Variants in ZSWIM6 observed in about 807,000 individuals in gnomAD.
ZSWIM6 encodes the protein zinc finger SWIM domain-containing protein 6.
In ZSWIM6, 9 loss-of-function variants were observed where a neutral mutation model predicts 113.2. That is an observed-to-expected ratio of 0.08 (90% confidence interval 0.05 to 0.14). ZSWIM6 has a LOEUF of 0.14. ZSWIM6 is among the 10% of genes least tolerant of loss of function. ZSWIM6 has a pLI of 1.00. For missense variants in ZSWIM6, 1,162 were observed against 1,552.2 expected (o/e 0.75, Z 4.22); for synonymous variants, 611 against 606.5 (o/e 1.01, Z -0.11).
intron 2 of ZSWIM6, among the ~76,000 whole-genome samples, chr5:61,478,435 A>G (rs1747764898): frequency 6.6e-6 from 1 of 152,216 alleles, no homozygotes; most frequent in Non-Finnish European, 1.5e-5. Flanking sequence ...CCTCACGAAC[A>G]CACATGTGCA....
At chr5:61,437,598 C>T (rs1032966727) in intron 1 of ZSWIM6, among the ~76,000 whole-genome samples, 1 of 151,184 alleles carries the variant, frequency 6.6e-6, no homozygotes, top group Non-Finnish European at 1.5e-5. Context: ...TAGCGTGTGC[C>T]TTGGTCCCAG....
intron 1 of ZSWIM6, among the ~76,000 whole-genome samples, chr5:61,340,679 G>A (rs35331534): frequency 4.6e-4 from 70 of 152,282 alleles, no homozygotes; most frequent in Non-Finnish European, 5.7e-4. Flanking sequence ...AAATGGCAAA[G>A]CCGTGTTGCT....
At chr5:61,490,189 G>A (rs182288979) in intron 2 of ZSWIM6, among the ~76,000 whole-genome samples, 1 of 152,078 alleles carries the variant, frequency 6.6e-6, no homozygotes, top group African/African-American at 2.4e-5. Context: ...GTGTACTTCA[G>A]CAATAAAATA....
chr5:61,469,266 C>T (rs1021309300), intron 1 of ZSWIM6, among the ~76,000 whole-genome samples: 1 of 152,098 alleles, frequency 6.6e-6, no homozygotes. Context: ...CCTGATTAGG[C>T]GGGCAGAGTA....
chr5:61,394,840 A>C (rs935314441), intron 1 of ZSWIM6, among the ~76,000 whole-genome samples: 1 of 152,180 alleles, frequency 6.6e-6, no homozygotes, highest in Non-Finnish European at 1.5e-5. Context: ...GATTCTGCAC[A>C]GCTGCTACAG....
chr5:61,332,935 C>G lies in ZSWIM6; in HGVS notation c.663C>G (p.Asn221Lys). Residue 221 changes from asparagine (N) to lysine (K), a missense_variant, in exon 1 of 14, where the codon AAC becomes AAG. Asn to Lys is a moderately conservative substitution (Grantham distance 94). Coordinates refer to ENST00000252744, the MANE Select transcript of ZSWIM6 (RefSeq NM_020928.2). ...TGTTGGAAAGCGGCTGCGTAGACAA[C>G]GTCCTGCAAGTCGGTGAGTCACGGG... is the stretch of plus-strand genomic sequence containing the variant. ...IALLESGCVD[N>K]VLQVGFHLSG... 7.4e-7 allele frequency: 1 copy of G among 1,348,928 alleles called. No individual in the cohort carries two copies. The allele number at this position is 1,348,928 out of a possible 1,614,324, so 83.6% of individuals were successfully genotyped here. A position where few individuals can be genotyped will look rare whatever the true frequency, so the allele number is the denominator to read the frequency against.
intron 4 of ZSWIM6, among the ~76,000 whole-genome samples, chr5:61,508,193 A>G (rs1748677819): frequency 6.6e-6 from 1 of 152,228 alleles, no homozygotes; most frequent in Admixed American, 6.5e-5. Context: ...AATTATTGTC[A>G]GGTGGATAAG....
rs565255755 is a variant in ZSWIM6, at chr5:61,544,440, T to G, written c.*123T>G. ...CCACACCGGTATTATATGTGTATAG[T>G]TATATTGCGTTTGCAGACTAAATTG... On this transcript the variant is annotated 3_prime_UTR_variant, in exon 14 of 14. Transcript: ENST00000252744. The G allele has an allele frequency of 1.9e-5, 10 of 523,066 alleles. No homozygotes were observed. The East Asian group carries it at 3.1e-4, about 16-fold the overall frequency. 32.4% of individuals were successfully genotyped at this position (523,066 alleles called of 1,614,324 possible).
chr5:61,532,587 A>T (rs1254786739), intron 9 of ZSWIM6, among the ~76,000 whole-genome samples: 1 of 152,132 alleles, frequency 6.6e-6, no homozygotes, highest in Non-Finnish European at 1.5e-5. Flanking sequence ...GATTTTCAGC[A>T]CCCCTTTTAT....
At chr5:61,396,972 G>A (rs180702280) in intron 1 of ZSWIM6, among the ~76,000 whole-genome samples, 2 of 152,180 alleles carry the variant, frequency 1.3e-5, no homozygotes, top group Non-Finnish European at 2.9e-5. Flanking sequence ...TAAAATGACT[G>A]TTACCAATTT....
chr5:61,391,050 G>C (rs1001529010), intron 1 of ZSWIM6: 1 of 741,232 alleles, frequency 1.3e-6, no homozygotes, highest in African/African-American at 1.7e-5. Flanking sequence ...TGCTGTGACA[G>C]TAACCTTTCT....
chr5:61,502,918 A>G (rs934226564), intron 4 of ZSWIM6, among the ~76,000 whole-genome samples: 1 of 151,966 alleles, frequency 6.6e-6, no homozygotes, highest in Non-Finnish European at 1.5e-5. Flanking sequence ...CCCCGCCACC[A>G]GTACTCATAC....
chr5:61,485,447 C>T (rs184761471), intron 2 of ZSWIM6, among the ~76,000 whole-genome samples: 1 of 152,188 alleles, frequency 6.6e-6, no homozygotes, highest in African/African-American at 2.4e-5. Context: ...ATGTCAAATT[C>T]ACCATATCTA....
At chr5:61,444,345 C>T (rs1365169729) in intron 1 of ZSWIM6, among the ~76,000 whole-genome samples, 7 of 151,934 alleles carry the variant, frequency 4.6e-5, no homozygotes, top group South Asian at 2.1e-4. Context: ...TCCAGTCTAT[C>T]GTTGTGGGAC....
chr5:61,424,863 G>C (rs1746432859), intron 1 of ZSWIM6, among the ~76,000 whole-genome samples: 1 of 151,796 alleles, frequency 6.6e-6, no homozygotes, highest in Admixed American at 6.6e-5. Context: ...GGATAGCTGG[G>C]ATTACAGGCG....
intron 1 of ZSWIM6, among the ~76,000 whole-genome samples, chr5:61,412,107 A>G (rs1236152204): frequency 6.6e-6 from 1 of 152,192 alleles, no homozygotes; most frequent in Non-Finnish European, 1.5e-5. Context: ...TTTCTATTAG[A>G]TGGTTTGAAA....
At chr5:61,389,387 C>T (rs1443947160) in intron 1 of ZSWIM6, among the ~76,000 whole-genome samples, 4 of 151,574 alleles carry the variant, frequency 2.6e-5, no homozygotes, top group African/African-American at 9.7e-5. Context: ...AACCCTGTCT[C>T]TATTAAAAAT....
intron 1 of ZSWIM6, among the ~76,000 whole-genome samples, chr5:61,418,509 T>G (rs1746297673): frequency 6.6e-6 from 1 of 152,128 alleles, no homozygotes; most frequent in Admixed American, 6.5e-5. Flanking sequence ...TCCACCAGCC[T>G]CGGCCTCCCA....
intron 1 of ZSWIM6, among the ~76,000 whole-genome samples, chr5:61,348,663 C>T (rs1744720026): frequency 6.6e-6 from 1 of 152,062 alleles, no homozygotes; most frequent in Admixed American, 6.6e-5. Flanking sequence ...AATTAATTTT[C>T]TCTTCCTCTT....
Sources: gnomAD v4.1 joint callset for allele counts (sites outside exome capture counted in the v4.1 genomes callset) on GRCh38, gnomAD v4.1.1 for gene constraint, MANE v1.5 for transcripts, NCBI Gene and HGNC (gene_info 2026-07-23, HGNC 2026-07-21) for gene names.